CSMD3: variants seen among roughly 807,000 people sequenced by gnomAD.
CSMD3 encodes CUB and sushi domain-containing protein 3.
CSMD3 carries 177 observed loss-of-function variants against 435.2 expected under a neutral mutation model. The ratio of observed to expected loss-of-function variants is 0.41; its 90% CI spans 0.36 to 0.46. The LOEUF (loss-of-function observed/expected upper bound fraction) is 0.46. CSMD3 is among the 20% of genes least tolerant of loss of function. The probability of loss-of-function intolerance (pLI) is 0.34; values close to 1 mark genes in which losing one functional copy is unlikely to be tolerated. For synonymous variants in CSMD3, 1,656 were observed against 1,520.5 expected, an observed-to-expected ratio of 1.09 and a Z score of -2.07; for missense variants, 4,265 against 4,504.6, an observed-to-expected ratio of 0.95 and a Z score of 1.52.
At chr8:112,681,865 T>G (rs2131780808) in intron 16 of CSMD3, among the ~76,000 whole-genome samples, 1 of 152,212 alleles carries the variant, frequency 6.6e-6, no homozygotes, top group African/African-American at 2.4e-5. Flanking sequence ...AGAATCGGTT[T>G]AAAAATAATA....
chr8:112,277,593 C>T (rs1031062154), intron 59 of CSMD3, among the ~76,000 whole-genome samples: 1 of 152,174 alleles, frequency 6.6e-6, no homozygotes, highest in African/African-American at 2.4e-5. Context: ...TTTGGGGTAT[C>T]TTTACAGCAG....
chr8:112,625,165 G>A (rs1468849772), intron 22 of CSMD3, among the ~76,000 whole-genome samples: 2 of 151,986 alleles, frequency 1.3e-5, no homozygotes, highest in East Asian at 3.9e-4. Flanking sequence ...GGATAAGGTG[G>A]CATGCCCAGA....
intron 1 of CSMD3, among the ~76,000 whole-genome samples, chr8:113,351,914 A>G (rs2094192864): frequency 1.3e-5 from 2 of 152,236 alleles, no homozygotes; most frequent in African/African-American, 2.4e-5. Context: ...GAGAGTTACC[A>G]TTTGTCTTCA....
intron 59 of CSMD3, among the ~76,000 whole-genome samples, chr8:112,270,343 AGT>A (rs10577337): frequency 0.11 from 14,006 of 124,004 alleles, 797 homozygotes; most frequent in East Asian, 0.2. Flanking sequence ...CAGAGGGGTG[AGT>A]GTGTGTGTGT....
At chr8:113,297,070 A>T (rs909423874) in intron 2 of CSMD3, among the ~76,000 whole-genome samples, 12 of 152,190 alleles carry the variant, frequency 7.9e-5, no homozygotes, top group African/African-American at 2.9e-4. Context: ...TCAATGCTTG[A>T]TCAGAAAAAG....
chr8:112,399,188 C>T (rs1441134654), intron 35 of CSMD3, among the ~76,000 whole-genome samples: 1 of 151,812 alleles, frequency 6.6e-6, no homozygotes, highest in Non-Finnish European at 1.5e-5. Flanking sequence ...TCTTAAAGTT[C>T]TCTTTTGAAT....
chr8:113,071,027 C>A (rs2131403745), intron 5 of CSMD3, among the ~76,000 whole-genome samples: 2 of 151,990 alleles, frequency 1.3e-5, no homozygotes, highest in Admixed American at 6.6e-5. Context: ...GATGTGAGGT[C>A]ATATCTTATT....
intron 11 of CSMD3, among the ~76,000 whole-genome samples, chr8:112,845,079 C>T (rs764097437): frequency 2.6e-5 from 4 of 151,918 alleles, no homozygotes; most frequent in Non-Finnish European, 5.9e-5. Flanking sequence ...ATTTTGCCTA[C>T]TTTGTTGGTA....
intron 17 of CSMD3, among the ~76,000 whole-genome samples, chr8:112,664,104 C>A (rs2075457795): frequency 6.6e-6 from 1 of 151,998 alleles, no homozygotes; most frequent in Non-Finnish European, 1.5e-5. Context: ...TTTTCAACTA[C>A]CGTTGCACCT....
At chr8:112,754,587 A>T (rs1398532389) in intron 13 of CSMD3, among the ~76,000 whole-genome samples, 1 of 152,222 alleles carries the variant, frequency 6.6e-6, no homozygotes, top group Non-Finnish European at 1.5e-5. Context: ...CGTTAAAACC[A>T]GAAAAGAGCA....
intron 6 of CSMD3, among the ~76,000 whole-genome samples, chr8:112,989,546 CAATT>C (rs984524298): frequency 3.1e-4 from 47 of 151,996 alleles, no homozygotes; most frequent in Non-Finnish European, 3.8e-4. Context: ...AAGGGATAAA[CAATT>C]AACAAAAATA....
intron 2 of CSMD3, among the ~76,000 whole-genome samples, chr8:113,308,630 T>C (rs531016289): frequency 1.3e-5 from 2 of 152,220 alleles, no homozygotes; most frequent in African/African-American, 4.8e-5. Flanking sequence ...TGGTATATTG[T>C]TCAATATTTA....
chr8:113,131,410 A>G (rs1011527066), intron 4 of CSMD3, among the ~76,000 whole-genome samples: 5 of 152,044 alleles, frequency 3.3e-5, no homozygotes, highest in Non-Finnish European at 7.4e-5. Context: ...ACCTCTAGTC[A>G]TGGCTAAAAG....
rs199923610 is a variant in CSMD3, at chr8:112,406,736, A to G, written c.5606-9T>C. ...ACTTGTTCTAGGAACAGCTGTGTAG[A>G]AATATTATATTTATTTTAATTTTAT... On this transcript the variant is annotated splice_polypyrimidine_tract_variant and intron_variant, in intron 34 of 70. Coordinates refer to ENST00000297405, the MANE Select transcript of CSMD3 (RefSeq NM_198123.2). 4.6e-5 allele frequency: 70 copies of G among 1,534,574 alleles called. No individual in the cohort carries two copies. The South Asian group carries it at 7.8e-4, about 17-fold the overall frequency.
At chr8:112,934,591 G>T (rs2083219787) in intron 9 of CSMD3, among the ~76,000 whole-genome samples, 1 of 152,138 alleles carries the variant, frequency 6.6e-6, no homozygotes, top group African/African-American at 2.4e-5. Context: ...CATAAAATGA[G>T]GGTGGTAACA....
At chr8:113,389,780 C>G (rs973695104) in intron 1 of CSMD3, among the ~76,000 whole-genome samples, 1 of 151,706 alleles carries the variant, frequency 6.6e-6, no homozygotes, top group African/African-American at 2.4e-5. Flanking sequence ...GGGGTTTCCC[C>G]AAACAGGATT....
intron 23 of CSMD3, among the ~76,000 whole-genome samples, chr8:112,580,576 A>G (rs1274879459): frequency 6.6e-6 from 1 of 151,938 alleles, no homozygotes; most frequent in Non-Finnish European, 1.5e-5. Context: ...TGGTCAGGCA[A>G]TTGATCCTGA....
chr8:113,405,086 A>T (rs1335389751), intron 1 of CSMD3, among the ~76,000 whole-genome samples: 1 of 151,558 alleles, frequency 6.6e-6, no homozygotes, highest in Non-Finnish European at 1.5e-5. Flanking sequence ...TTCTTTCATT[A>T]ACAATTTCAT....
At chr8:112,589,162 T>A (rs1830969676) in intron 22 of CSMD3, among the ~76,000 whole-genome samples, 1 of 152,136 alleles carries the variant, frequency 6.6e-6, no homozygotes, top group Admixed American at 6.6e-5. Flanking sequence ...ACACTGATGA[T>A]CAGCAAGTCA....
Sources: allele counts gnomAD v4.1 joint callset (sites outside exome capture counted in the v4.1 genomes callset), GRCh38; gene constraint gnomAD v4.1.1; transcripts MANE v1.5; gene names NCBI Gene and HGNC (gene_info 2026-07-23, HGNC 2026-07-21).